ZNF470: variants seen among roughly 807,000 people sequenced by gnomAD.
ZNF470 encodes zinc finger protein 470, also known as chondrogenesis zinc finger protein 1.
ZNF470 carries 13 observed loss-of-function variants against 13.9 expected under a neutral mutation model. The ratio of observed to expected loss-of-function variants is 0.94; its 90% CI spans 0.61 to 1.49. The LOEUF is 1.49. Ranked by LOEUF, ZNF470 falls within the 40% of genes most tolerant of loss-of-function variation. ZNF470 has a pLI of 0.00. For missense variants in ZNF470, 929 were observed against 857.3 expected (o/e 1.08, Z -1.04); for synonymous variants, 293 against 282.9 (o/e 1.04, Z -0.36).
chr19:56,572,389 T>TATAA lies in ZNF470; in HGVS notation c.61-2004_61-2003insTAAA, dbSNP rs1176889939. ...AAAAAAAAATATATATATATATATA[T>TATAA]AAATTAGCCAGGTGTGGTGGTGCAT... On this transcript the variant is annotated intron_variant, in intron 3 of 5. Transcript: ENST00000330619. Among the ~76,000 whole-genome samples, 11 of 38,948 alleles carry TATAA rather than the reference T, an allele frequency of 2.8e-4. 2 individuals carry two copies. Among genetic ancestry groups the TATAA allele is most frequent in the African/African-American group, 1.1e-3 (5 of 4,606 alleles). 25.6% of individuals were successfully genotyped at this position (38,948 alleles called of 152,430 possible).
At position 56,567,591 on chromosome 19, in the gene ZNF470, C is replaced by T. The variant is rs2044419926; in HGVS notation, c.-606C>T. Reference sequence around the variant, plus strand: ...CGCGGCGGGGGCGGTGTCCTGGTTCCTGTGTGGGCGGCGGGCGTGAGCGTG... The same window carrying T: ...CGCGGCGGGGGCGGTGTCCTGGTTCTTGTGTGGGCGGCGGGCGTGAGCGTG... On this transcript the variant is annotated 5_prime_UTR_variant, in exon 1 of 6. Transcript: ENST00000330619. 6 of 988,480 alleles carry T rather than the reference C, an allele frequency of 6.1e-6. No homozygotes were observed. The highest frequency in any genetic ancestry group is 2.4e-6 in the Non-Finnish European group (2 of 832,618). 61.2% of individuals were successfully genotyped at this position (988,480 alleles called of 1,614,324 possible). A position where few individuals can be genotyped will look rare whatever the true frequency, so the allele number is the denominator to read the frequency against.
At position 56,577,138 on chromosome 19, in the gene ZNF470, T is replaced by C. The variant is rs769982563; in HGVS notation, c.709T>C (p.Phe237Leu). 1 of 1,613,256 alleles carries C rather than the reference T, an allele frequency of 6.2e-7. No individual in the cohort carries two copies. Among genetic ancestry groups the C allele is most frequent in the African/African-American group, 1.3e-5 (1 of 74,962 alleles). The stretch of plus-strand genomic sequence containing the variant: ...AAAATGTAATGACTGTGAGAAAATA[T>C]TCAGCAAAATCTCAACCCTTACTCT... ...LLKCNDCEKI[F>L]SKISTLTLHQ... is the part of the protein sequence containing the mutation. The change falls in exon 6 of 6, where the codon TTC becomes CTC. Residue 237 changes from phenylalanine to leucine, a missense_variant. Transcript: ENST00000330619.
At chr19:56,572,277 G>A (rs1395623933) in intron 3 of ZNF470, among the ~76,000 whole-genome samples, 2 of 135,362 alleles carry the variant, frequency 1.5e-5, no homozygotes, top group South Asian at 4.8e-4. Flanking sequence ...GCTGAGGCGG[G>A]TGGATTACCT....
At position 56,581,889 on chromosome 19, in the gene ZNF470, A is replaced by C; in HGVS notation, c.*3306A>C. Reference sequence around the variant, plus strand: ...ATGGCAACTCCCTAAAAGCTGATGCAGTTATTCTTTTGATTGGTCCTTGGA... The same window carrying C: ...ATGGCAACTCCCTAAAAGCTGATGCCGTTATTCTTTTGATTGGTCCTTGGA... On this transcript the variant is annotated 3_prime_UTR_variant, in exon 6 of 6. Coordinates refer to ENST00000330619, the MANE Select transcript of ZNF470 (RefSeq NM_001001668.4). 1 of 985,414 alleles carries C rather than the reference A, an allele frequency of 1.0e-6. No individual in the cohort carries two copies. The highest frequency in any genetic ancestry group is 1.2e-6 in the Non-Finnish European group (1 of 829,930). 61.0% of individuals were successfully genotyped at this position (985,414 alleles called of 1,614,324 possible).
rs2044520672 is a variant in ZNF470, at chr19:56,579,640, C to T, written c.*1057C>T. 1 of 985,348 alleles carries T rather than the reference C, an allele frequency of 1.0e-6. No individual in the cohort carries two copies. The highest frequency in any genetic ancestry group is 4.7e-5 in the South Asian group (1 of 21,274). The allele number at this position is 985,348 out of a possible 1,614,324, so 61.0% of individuals were successfully genotyped here. A position where few individuals can be genotyped will look rare whatever the true frequency, so the allele number is the denominator to read the frequency against. The stretch of plus-strand genomic sequence containing the variant: ...TAAAATAAAATGCAATAAGACCTTC[C>T]ATCTTGTTCCATGAGATTGACAAGA... On this transcript the variant is annotated 3_prime_UTR_variant, in exon 6 of 6. Transcript: ENST00000330619.
chr19:56,576,798 A>C lies in ZNF470; in HGVS notation c.369A>C (p.Glu123Asp), dbSNP rs1382842166. 3 of 1,562,514 alleles carry C rather than the reference A, an allele frequency of 1.9e-6. No homozygotes were observed. The highest frequency in any genetic ancestry group is 2.6e-6 in the Non-Finnish European group (3 of 1,161,254). The change falls in exon 6 of 6, where the codon GAA becomes GAC. Residue 123 changes from glutamate to aspartate, a missense_variant. Transcript: ENST00000330619. The stretch of plus-strand genomic sequence containing the variant: ...AATTACCCCCGGCAATCATAATGGA[A>C]AGACTTAAAAGCTATGACCTTGAAT... ...EEKLPPAIIM[E>D]RLKSYDLECS...
intron 5 of ZNF470, among the ~76,000 whole-genome samples, chr19:56,575,499 T>G (rs1218892440): frequency 6.6e-6 from 1 of 152,032 alleles, no homozygotes; most frequent in African/African-American, 2.4e-5. Context: ...TGTAGCTGTT[T>G]TACTGATTTA....
In ZNF470 at chr19:56,581,201, T is replaced by C. The variant is rs1464188563; in HGVS notation, c.*2618T>C. 8.0e-6 allele frequency: 5 copies of C among 621,538 alleles called. No homozygotes were observed. The South Asian group carries it at 2.8e-4, about 35-fold the overall frequency. The allele number at this position is 621,538 out of a possible 1,614,324, so 38.5% of individuals were successfully genotyped here. A position where few individuals can be genotyped will look rare whatever the true frequency, so the allele number is the denominator to read the frequency against. On this transcript the variant is annotated 3_prime_UTR_variant, in exon 6 of 6. Transcript: ENST00000330619. ...TAATCTGCAACTTAGAAAAATGGAC[T>C]AATGTCCCATTCACAAAAGATGCAA... is the stretch of plus-strand genomic sequence containing the variant.
At position 56,567,679 on chromosome 19, in the gene ZNF470, G is replaced by A. The variant is rs182690339; in HGVS notation, c.-518G>A. The A allele has an allele frequency of 2.0e-6, 2 of 987,474 alleles. No homozygotes were observed. The highest frequency in any genetic ancestry group is 1.1e-4 in the East Asian group (1 of 8,852). The allele number at this position is 987,474 out of a possible 1,614,324, so 61.2% of individuals were successfully genotyped here. A position where few individuals can be genotyped will look rare whatever the true frequency, so the allele number is the denominator to read the frequency against. ...TGAGCGTGCGGTGCTGTGCTGAGGA[G>A]GGGCGAGCGCGCGCGGGGATGGCGG... On this transcript the variant is annotated 5_prime_UTR_variant, in exon 1 of 6. Coordinates refer to ENST00000330619, the MANE Select transcript of ZNF470 (RefSeq NM_001001668.4).
chr19:56,579,097 G>C lies in ZNF470; in HGVS notation c.*514G>C. On this transcript the variant is annotated 3_prime_UTR_variant, in exon 6 of 6. Coordinates refer to ENST00000330619, the MANE Select transcript of ZNF470 (RefSeq NM_001001668.4). ...TTGATGAGCAACTCTCACTTTACCT[G>C]ACACTGAGAAGTGAGAATCAGCCAA... 2 of 985,574 alleles carry C rather than the reference G, an allele frequency of 2.0e-6. No homozygotes were observed. The highest frequency in any genetic ancestry group is 2.4e-6 in the Non-Finnish European group (2 of 830,038). The allele number at this position is 985,574 out of a possible 1,614,324, so 61.1% of individuals were successfully genotyped here.
chr19:56,581,260 TAGAAATCA>T lies in ZNF470; in HGVS notation c.*2684_*2691del. The T allele has an allele frequency of 1.6e-6, 1 of 638,840 alleles. No homozygotes were observed. The highest frequency in any genetic ancestry group is 1.4e-4 in the East Asian group (1 of 7,196). The allele number at this position is 638,840 out of a possible 1,614,324, so 39.6% of individuals were successfully genotyped here. A position where few individuals can be genotyped will look rare whatever the true frequency, so the allele number is the denominator to read the frequency against. The stretch of plus-strand genomic sequence containing the variant: ...GTTAATGAAAATTATCCAATATCAC[TAGAAATCA>T]AGAAATGCAAATTAAAGTGATTATC... On this transcript the variant is annotated 3_prime_UTR_variant, in exon 6 of 6. Coordinates refer to ENST00000330619, the MANE Select transcript of ZNF470 (RefSeq NM_001001668.4).
At chr19:56,569,514 G>C (rs1323693635) in intron 2 of ZNF470, among the ~76,000 whole-genome samples, 1 of 152,202 alleles carries the variant, frequency 6.6e-6, no homozygotes, top group African/African-American at 2.4e-5. Context: ...GCCAGACCTA[G>C]GTTGGTGACT....
Position 56,576,912 on chromosome 19 carries a change from C to G in ZNF470, c.483C>G (p.Ile161Met). ...AGACACATTTTAGGCAAGAGACCAT[C>G]ACTCATATAGATACTCTTATTGAAA... is the stretch of plus-strand genomic sequence containing the variant. Reference protein sequence around the residue: ...NQKTHFRQETITHIDTLIEKR... With the variant: ...NQKTHFRQETMTHIDTLIEKR... Residue 161 changes from isoleucine (I) to methionine (M), a missense_variant, in exon 6 of 6, where the codon ATC becomes ATG. Coordinates refer to ENST00000330619, the MANE Select transcript of ZNF470 (RefSeq NM_001001668.4). The G allele has an allele frequency of 6.3e-7, 1 of 1,575,292 alleles. No individual in the cohort carries two copies. Among genetic ancestry groups the G allele is most frequent in the Non-Finnish European group, 8.6e-7 (1 of 1,167,054 alleles).
At chr19:56,573,191 CTCT>C (rs1012658879) in intron 3 of ZNF470, among the ~76,000 whole-genome samples, 28 of 152,074 alleles carry the variant, frequency 1.8e-4, no homozygotes, top group African/African-American at 6.5e-4. Flanking sequence ...TCTTGGCCTT[CTCT>C]TCTTCTCTCT....
rs2044517335 is a variant in ZNF470 at position 56,579,265 on chromosome 19, TAC to T, written c.*684_*685del. The T allele has an allele frequency of 1.5e-6, 1 of 673,956 alleles. No individual in the cohort carries two copies. Among genetic ancestry groups the T allele is most frequent in the African/African-American group, 2.0e-5 (1 of 50,804 alleles). 41.7% of individuals were successfully genotyped at this position (673,956 alleles called of 1,614,324 possible). ...GGTGAAACCCTGTCTCTACAAAAAA[TAC>T]AGAAATTAGCCAGGCGTGGTGGTGC... On this transcript the variant is annotated 3_prime_UTR_variant, in exon 6 of 6. Coordinates refer to ENST00000330619, the MANE Select transcript of ZNF470 (RefSeq NM_001001668.4).
rs2044504203 is a variant in ZNF470, at chr19:56,577,942, G to A, written c.1513G>A (p.Gly505Arg). The A allele has an allele frequency of 6.2e-7, 1 of 1,614,102 alleles. No individual in the cohort carries two copies. The highest frequency in any genetic ancestry group is 8.5e-7 in the Non-Finnish European group (1 of 1,180,008). Residue 505 changes from glycine to arginine, a missense_variant, in exon 6 of 6, where the codon GGA becomes AGA. Transcript: ENST00000330619. Reference protein sequence around the residue: ...HLAHHQRIHTGEKPYECKECS... With the variant: ...HLAHHQRIHTREKPYECKECS... Reference sequence around the variant, plus strand: ...GGCTCATCATCAGAGAATTCATACTGGAGAGAAACCTTATGAATGTAAGGA... The same window carrying A: ...GGCTCATCATCAGAGAATTCATACTAGAGAGAAACCTTATGAATGTAAGGA...
rs62124111 is a variant in ZNF470, at chr19:56,567,714, T to C, written c.-483T>C. ...CGCGCGGGGATGGCGGCCCGGTGTG[T>C]GACTGTCCGGTGCGTGGCCGCGAAT... is the stretch of plus-strand genomic sequence containing the variant. On this transcript the variant is annotated 5_prime_UTR_variant, in exon 1 of 6. Transcript: ENST00000330619. 74,125 of 988,880 alleles carry C rather than the reference T, an allele frequency of 0.075. 2,890 individuals carry two copies. The highest frequency in any genetic ancestry group is 0.08 in the Non-Finnish European group (66,710 of 832,804). 61.3% of individuals were successfully genotyped at this position (988,880 alleles called of 1,614,324 possible).
chr19:56,576,779 C>T lies in ZNF470; in HGVS notation c.350C>T (p.Pro117Leu). The change falls in exon 6 of 6, where the codon CCC (proline) becomes CTC (leucine). Residue 117 changes from proline to leucine, a missense_variant. Physicochemically the swap from Pro to Leu is moderately conservative, Grantham distance 98. Transcript: ENST00000330619. ...LNQDIYEEKLPPAIIMERLKS... is the reference protein window; with the variant it reads ...LNQDIYEEKLLPAIIMERLKS... ...CAGGATATTTATGAAGAAAAATTACCCCCGGCAATCATAATGGAAAGACTT... is the reference window on the plus strand; with the variant it reads ...CAGGATATTTATGAAGAAAAATTACTCCCGGCAATCATAATGGAAAGACTT... 1 of 1,537,404 alleles carries T rather than the reference C, an allele frequency of 6.5e-7. No individual in the cohort carries two copies. Among genetic ancestry groups the T allele is most frequent in the Admixed American group, 2.2e-5 (1 of 45,184 alleles).
chr19:56,581,487 AT>A lies in ZNF470; in HGVS notation c.*2906del. 1 of 907,828 alleles carries A rather than the reference AT, an allele frequency of 1.1e-6. No individual in the cohort carries two copies. Among genetic ancestry groups the A allele is most frequent in the African/African-American group, 1.8e-5 (1 of 55,692 alleles). 56.2% of individuals were successfully genotyped at this position (907,828 alleles called of 1,614,324 possible). A position where few individuals can be genotyped will look rare whatever the true frequency, so the allele number is the denominator to read the frequency against. On this transcript the variant is annotated 3_prime_UTR_variant, in exon 6 of 6. Coordinates refer to ENST00000330619, the MANE Select transcript of ZNF470 (RefSeq NM_001001668.4). Reference sequence around the variant, plus strand: ...GTGGCAAAAAAATTAATGGTAAACTATTAAAACAACAAGTGTCCATCAGGGT... The same window carrying A: ...GTGGCAAAAAAATTAATGGTAAACTATAAAACAACAAGTGTCCATCAGGGT...
Sources: gnomAD v4.1 joint callset for allele counts (sites outside exome capture counted in the v4.1 genomes callset) on GRCh38, gnomAD v4.1.1 for gene constraint, MANE v1.5 for transcripts, NCBI Gene and HGNC (gene_info 2026-07-23, HGNC 2026-07-21) for gene names.